Variants in CTNNA3 observed in about 807,000 individuals in gnomAD.
CTNNA3 encodes the protein catenin alpha-3.
CTNNA3 carries 76 observed loss-of-function variants against 95.7 expected under a neutral mutation model. The observed-to-expected ratio is 0.79, with a 90% CI of 0.66 to 0.96. The LOEUF is 0.96. Among genes scored for constraint, CTNNA3 ranks in the 40% least tolerant of loss-of-function variants. The probability of loss-of-function intolerance (pLI) is 0.00; values close to 1 mark genes in which losing one functional copy is unlikely to be tolerated. For missense variants in CTNNA3, 1,191 were observed against 1,089.8 expected, an observed-to-expected ratio of 1.09 and a Z score of -1.31; for synonymous variants, 431 against 374.4, an observed-to-expected ratio of 1.15 and a Z score of -1.74.
intron 7 of CTNNA3, among the ~76,000 whole-genome samples, chr10:67,036,493 G>A (rs578143770): frequency 5.3e-5 from 8 of 152,034 alleles, no homozygotes; most frequent in Non-Finnish European, 7.4e-5. Flanking sequence ...GTGAAACCCC[G>A]TCTCTACTAA....
intron 17 of CTNNA3, among the ~76,000 whole-genome samples, chr10:65,927,419 A>G (rs2077183851): frequency 6.6e-6 from 1 of 152,192 alleles, no homozygotes; most frequent in Non-Finnish European, 1.5e-5. Context: ...TGTTCTATTT[A>G]TGACAACTGG....
Position 66,518,035 on chromosome 10 carries a change from G to A in CTNNA3, c.1531+2582C>T, listed in dbSNP as rs548500885. ...TTAACTGCTCCTACCCAAGTCCTCC[G>A]TTTGCTAGGGCTAGTAACCCTAAAG... On this transcript the variant is annotated intron_variant, in intron 11 of 17. Coordinates refer to ENST00000433211, the MANE Select transcript of CTNNA3 (RefSeq NM_013266.4). Among the ~76,000 whole-genome samples, 35 of 152,124 alleles carry A rather than the reference G, an allele frequency of 2.3e-4. 2 individuals are homozygous for A. In the South Asian group the frequency reaches 5.2e-3, roughly 23 times the overall value.
At chr10:66,251,344 T>C (rs922501204) in intron 13 of CTNNA3, among the ~76,000 whole-genome samples, 17 of 152,150 alleles carry the variant, frequency 1.1e-4, no homozygotes, top group Non-Finnish European at 2.5e-4. Flanking sequence ...ACAATGCCTC[T>C]CATATTCTTT....
chr10:66,050,051 T>A (rs2079915152), intron 15 of CTNNA3, among the ~76,000 whole-genome samples: 1 of 152,194 alleles, frequency 6.6e-6, no homozygotes, highest in African/African-American at 2.4e-5. Context: ...TTACAATATA[T>A]TATATTTCAA....
chr10:67,595,138 G>A (rs563496921), intron 3 of CTNNA3, among the ~76,000 whole-genome samples: 1 of 152,180 alleles, frequency 6.6e-6, no homozygotes, highest in East Asian at 1.9e-4. Context: ...ATTTTATTCA[G>A]TTCAGCTCTG....
chr10:66,775,211 C>A (rs1840244800), intron 8 of CTNNA3, among the ~76,000 whole-genome samples: 1 of 152,132 alleles, frequency 6.6e-6, no homozygotes, highest in Admixed American at 6.6e-5. Flanking sequence ...AGAACAGAAC[C>A]AGAATTTGAA....
chr10:66,093,641 G>A (rs1329973729), intron 14 of CTNNA3, among the ~76,000 whole-genome samples: 1 of 152,018 alleles, frequency 6.6e-6, no homozygotes, highest in East Asian at 1.9e-4. Context: ...CGTAGTGAAG[G>A]ACTTCGGCAA....
Position 67,539,614 on chromosome 10 carries a change from T to C in CTNNA3, c.348A>G (p.Pro116=). The C allele has an allele frequency of 6.2e-7, 1 of 1,613,794 alleles. No individual in the cohort carries two copies. The highest frequency in any genetic ancestry group is 1.1e-5 in the South Asian group (1 of 91,068). The change falls in exon 4 of 18, where the codon CCA becomes CCG. Residue 116 remains proline (P), a synonymous_variant. Coordinates refer to ENST00000433211, the MANE Select transcript of CTNNA3 (RefSeq NM_013266.4). ...ERFTDDPCFL[P]KREAVVQAAR... Reference sequence around the variant, plus strand: ...CAGCTTGAACCACAGCCTCCCTTTTTGGGAGAAAACAGGGGTCATCTGTAA... The same window carrying C: ...CAGCTTGAACCACAGCCTCCCTTTTCGGGAGAAAACAGGGGTCATCTGTAA...
chr10:66,788,574 G>A (rs555348222), intron 7 of CTNNA3, among the ~76,000 whole-genome samples: 4 of 152,114 alleles, frequency 2.6e-5, no homozygotes, highest in African/African-American at 4.8e-5. Flanking sequence ...CGAGACAAGC[G>A]TGATCTTTTT....
chr10:67,027,931 C>G (rs1339785876), intron 7 of CTNNA3, among the ~76,000 whole-genome samples: 1 of 152,008 alleles, frequency 6.6e-6, no homozygotes, highest in Non-Finnish European at 1.5e-5. Flanking sequence ...TTGTATAGTA[C>G]TTTTTTGTTT....
intron 1 of CTNNA3, among the ~76,000 whole-genome samples, chr10:67,726,305 C>T (rs1460872518): frequency 3.6e-5 from 2 of 56,210 alleles, no homozygotes; most frequent in African/African-American, 8.0e-5. Flanking sequence ...ATGATATTAT[C>T]TTACATATTA....
chr10:66,293,056 G>C (rs1014772403), intron 12 of CTNNA3, among the ~76,000 whole-genome samples: 11 of 152,044 alleles, frequency 7.2e-5, no homozygotes, highest in African/African-American at 2.7e-4. Flanking sequence ...ATATGTATAA[G>C]TTTTGATGAT....
intron 16 of CTNNA3, among the ~76,000 whole-genome samples, chr10:65,973,780 C>T (rs905204815): frequency 1.4e-4 from 22 of 151,974 alleles, no homozygotes; most frequent in Non-Finnish European, 2.4e-4. Flanking sequence ...TTTTAAATGA[C>T]CAGATCTTCT....
chr10:67,440,647 C>A (rs977581782), intron 5 of CTNNA3, among the ~76,000 whole-genome samples: 2 of 152,014 alleles, frequency 1.3e-5, no homozygotes, highest in African/African-American at 2.4e-5. Flanking sequence ...AGAGAAGGTC[C>A]ATTTGTTTGA....
chr10:66,294,345 G>A (rs72799171), intron 12 of CTNNA3, among the ~76,000 whole-genome samples: 1,590 of 152,212 alleles, frequency 0.01, 14 homozygotes, highest in Middle Eastern at 0.054. Flanking sequence ...GAAGAAGGAG[G>A]GGGTGAGGAG....
At chr10:66,019,929 A>G (rs1265279957) in intron 15 of CTNNA3, among the ~76,000 whole-genome samples, 1 of 152,210 alleles carries the variant, frequency 6.6e-6, no homozygotes. Flanking sequence ...TATTACATTC[A>G]GTATAGATAT....
intron 11 of CTNNA3, 28 bp from the exon 12 acceptor site, chr10:66,379,380 T>C: frequency 6.4e-7 from 1 of 1,574,256 alleles, no homozygotes. Flanking sequence ...AAATTAGTTT[T>C]TGCGTGTGTC....
intron 1 of CTNNA3, among the ~76,000 whole-genome samples, chr10:67,721,699 T>G (rs951124052): frequency 2.0e-5 from 3 of 152,160 alleles, no homozygotes; most frequent in Non-Finnish European, 4.4e-5. Flanking sequence ...TTTGTTCTTT[T>G]GCTGGCGAGG....
intron 9 of CTNNA3, among the ~76,000 whole-genome samples, chr10:66,718,916 C>T (rs1848539834): frequency 6.6e-6 from 1 of 152,084 alleles, no homozygotes; most frequent in South Asian, 2.1e-4. Context: ...TTGTGCAACA[C>T]ATTTACCACT....
Sources: gnomAD v4.1 joint callset for allele counts (sites outside exome capture counted in the v4.1 genomes callset) on GRCh38, gnomAD v4.1.1 for gene constraint, MANE v1.5 for transcripts, NCBI Gene and HGNC (gene_info 2026-07-23, HGNC 2026-07-21) for gene names.